DDX59: variants seen among roughly 807,000 people sequenced by gnomAD.
DDX59 encodes the protein DEAD-box helicase 59, also known as probable ATP-dependent RNA helicase DDX59.
A neutral mutation model predicts 51.9 loss-of-function variants in DDX59; 30 were observed. The observed-to-expected ratio is 0.58, with a 90% CI of 0.43 to 0.78. The LOEUF (loss-of-function observed/expected upper bound fraction) is 0.78, where lower values mean the gene tolerates loss of function less well. DDX59 is among the 30% of genes least tolerant of loss of function. The pLI is 0.00. For missense variants in DDX59, 672 were observed against 730.8 expected (o/e 0.92, Z 0.93); for synonymous variants, 255 against 253.3 (o/e 1.01, Z -0.06).
At chr1:200,650,289 T>G in intron 5 of DDX59, 136 bp downstream of exon 5, 1 of 911,952 alleles carries the variant, frequency 1.1e-6, no homozygotes, top group East Asian at 2.7e-5. Flanking sequence ...CATAGAATTC[T>G]AGGGTAGGTA....
At chr1:200,663,882 A>G in intron 3 of DDX59, 37 bp downstream of exon 3, 2 of 1,495,076 alleles carry the variant, frequency 1.3e-6, no homozygotes, top group Non-Finnish European at 1.8e-6. Context: ...ATTGCTTACA[A>G]AACTTTTCAA....
intron 1 of DDX59, among the ~76,000 whole-genome samples, chr1:200,667,818 T>C (rs947543257): frequency 2.6e-5 from 4 of 151,260 alleles, no homozygotes; most frequent in Middle Eastern, 3.4e-3. Flanking sequence ...TATATATATA[T>C]ACAGATATTT....
At chr1:200,644,895 C>CAAAA (rs60033922) in intron 7 of DDX59, among the ~76,000 whole-genome samples, 32 of 80,946 alleles carry the variant, frequency 4.0e-4, no homozygotes, top group Non-Finnish European at 5.5e-4. Context: ...GACTCCATCT[C>CAAAA]AAAAAAAAAA....
At chr1:200,656,187 G>A (rs1662010673) in intron 4 of DDX59, among the ~76,000 whole-genome samples, 1 of 152,016 alleles carries the variant, frequency 6.6e-6, no homozygotes, top group African/African-American at 2.4e-5. Context: ...CTACAGCTCT[G>A]GGGACAAATT....
intron 1 of DDX59, among the ~76,000 whole-genome samples, chr1:200,667,462 T>A (rs934895546): frequency 6.6e-6 from 1 of 152,182 alleles, no homozygotes; most frequent in African/African-American, 2.4e-5. Flanking sequence ...TTTTCTTCCA[T>A]TCGCCAGCTT....
rs183963156 is a variant in DDX59, at chr1:200,660,542, G to C, written c.973-1426C>G. 2.7e-4 allele frequency among the ~76,000 whole-genome samples: 41 copies of C among 152,244 alleles called. No individual in the cohort carries two copies. The East Asian group carries it at 7.1e-3, about 27-fold the overall frequency. ...GCATCGCTGTGGGCAGGGCGGTGCT[G>C]ATGGCGGGAGGTAGGCTACATAGAG... On this transcript the variant is annotated intron_variant, in intron 3 of 7. Transcript: ENST00000331314.
downstream of DDX59, among the ~76,000 whole-genome samples, chr1:200,642,130 T>TTTA (rs2102820995): frequency 6.6e-6 from 1 of 152,288 alleles, no homozygotes; most frequent in South Asian, 2.1e-4. Context: ...CCCCTTAAGG[T>TTTA]GTTTGCCATA....
intron 3 of DDX59, 73 bp from the exon 4 acceptor site, chr1:200,659,189 G>T: frequency 8.5e-7 from 1 of 1,176,334 alleles, no homozygotes; most frequent in Non-Finnish European, 1.3e-6. Context: ...CATATTGATT[G>T]AGCAACTAAT....
chr1:200,652,708 C>T (rs1661745468), intron 4 of DDX59, among the ~76,000 whole-genome samples: 1 of 142,902 alleles, frequency 7.0e-6, no homozygotes, highest in African/African-American at 2.6e-5. Flanking sequence ...CTTGCTCTGT[C>T]GCCAGGCTGG....
In DDX59 at chr1:200,644,302, A is replaced by G. The variant is rs751501368; in HGVS notation, c.1812T>C (p.Asn604=). ...QTQNDLVTGA[N]LMDIIRKHDK... is the part of the protein sequence containing the mutation. ...CATGTTTTCTGATAATATCCATAAG[A>G]TTAGCTCCTGTAACCAGATCATTCT... Residue 604 remains asparagine, a synonymous_variant, in exon 8 of 8, where the codon AAT becomes AAC. Coordinates refer to ENST00000331314, the MANE Select transcript of DDX59 (RefSeq NM_001031725.6). 1 of 1,605,862 alleles carries G rather than the reference A, an allele frequency of 6.2e-7. No homozygotes were observed. The highest frequency in any genetic ancestry group is 2.2e-5 in the East Asian group (1 of 44,596).
Position 200,650,441 on chromosome 1 carries a change from A to T in DDX59, c.1298T>A (p.Leu433Ter). ...ACTACTCACATTTAAAATTTCAAATAATTTTTTCTTTTTGGCTGGGTCTTC... is the reference window on the plus strand; with the variant it reads ...ACTACTCACATTTAAAATTTCAAATTATTTTTTCTTTTTGGCTGGGTCTTC... ...WVEDPAKKKK[L>*]FEILNDKKLF... is the part of the protein sequence containing the mutation. The change falls in exon 5 of 8, where the codon TTA (leucine) becomes TAA (stop). Residue 433 changes from leucine (L) to a stop codon, truncating the protein, a stop_gained. Coordinates refer to ENST00000331314, the MANE Select transcript of DDX59 (RefSeq NM_001031725.6). LOFTEE classifies it high-confidence loss of function. The T allele has an allele frequency of 6.2e-7, 1 of 1,612,444 alleles. No individual in the cohort carries two copies. The highest frequency in any genetic ancestry group is 1.1e-5 in the South Asian group (1 of 90,874).
rs779642646 is a variant in DDX59, at chr1:200,659,122, T to A, written c.973-6A>T. ...CCAGGGGTTGCTATGATAACCTAAATAAAAGAGAAAAAGCAAATTAAAAAA... is the reference window on the plus strand; with the variant it reads ...CCAGGGGTTGCTATGATAACCTAAAAAAAAGAGAAAAAGCAAATTAAAAAA... On this transcript the variant is annotated splice_region_variant and splice_polypyrimidine_tract_variant and intron_variant, in intron 3 of 7. Coordinates refer to ENST00000331314, the MANE Select transcript of DDX59 (RefSeq NM_001031725.6). The A allele has an allele frequency of 3.1e-6, 5 of 1,606,454 alleles. No individual in the cohort carries two copies. The highest frequency in any genetic ancestry group is 4.3e-6 in the Non-Finnish European group (5 of 1,175,682).
chr1:200,665,854 T>G, intron 2 of DDX59, 83 bp downstream of exon 2: 3 of 1,428,984 alleles, frequency 2.1e-6, no homozygotes, highest in Non-Finnish European at 1.9e-6. Context: ...GTCTGCAATT[T>G]TAATATAGTT....
At chr1:200,652,442 T>TGGCTTACTGTGCAACCTC (rs1269952098) in intron 4 of DDX59, among the ~76,000 whole-genome samples, 1 of 152,196 alleles carries the variant, frequency 6.6e-6, no homozygotes, top group Non-Finnish European at 1.5e-5. Context: ...GGTGCCACCT[T>TGGCTTACTGTGCAACCTC]GGCTTACTGT....
chr1:200,659,246 G>T, intron 3 of DDX59, 130 bp from the exon 4 acceptor site: 1 of 646,736 alleles, frequency 1.5e-6, no homozygotes, highest in East Asian at 2.7e-5. Context: ...TGATGAATAA[G>T]CCAGACATAG....
At chr1:200,665,865 A>T in intron 2 of DDX59, 72 bp downstream of exon 2, 1 of 1,468,416 alleles carries the variant, frequency 6.8e-7, no homozygotes, top group Non-Finnish European at 9.1e-7. Context: ...TAATATAGTT[A>T]AAAATGAAAC....
chr1:200,656,116 C>T (rs959172215), intron 4 of DDX59, among the ~76,000 whole-genome samples: 1 of 152,218 alleles, frequency 6.6e-6, no homozygotes, highest in African/African-American at 2.4e-5. Flanking sequence ...AGGCGTGAGC[C>T]AACGTGCCTG....
At chr1:200,655,630 C>T (rs2102881393) in intron 4 of DDX59, among the ~76,000 whole-genome samples, 1 of 152,300 alleles carries the variant, frequency 6.6e-6, no homozygotes, top group Non-Finnish European at 1.5e-5. Context: ...TGCACTTGGA[C>T]TTTCTGACTC....
intron 6 of DDX59, 103 bp downstream of exon 6, chr1:200,648,971 A>G: frequency 1.7e-6 from 2 of 1,188,812 alleles, no homozygotes. Context: ...TGTAGTCATT[A>G]AAAGAGGATC....
Sources: allele counts gnomAD v4.1 joint callset (sites outside exome capture counted in the v4.1 genomes callset), GRCh38; gene constraint gnomAD v4.1.1; transcripts MANE v1.5; gene names NCBI Gene and HGNC (gene_info 2026-07-23, HGNC 2026-07-21).